The following LINGO2 variants were observed in gnomAD, a reference collection of about 807,000 sequenced individuals.
The protein encoded by LINGO2 is leucine rich repeat and Ig domain containing 2, also known as leucine-rich repeat and immunoglobulin-like domain-containing nogo receptor-interacting protein 2.
A neutral mutation model predicts 30.6 loss-of-function variants in LINGO2; 14 were observed. That is an observed-to-expected ratio of 0.46 (90% CI 0.30 to 0.72). LINGO2 has a LOEUF of 0.72. Among genes scored for constraint, LINGO2 ranks in the 30% least tolerant of loss-of-function variants. The probability of loss-of-function intolerance (pLI) is 0.07; values close to 1 mark genes in which losing one functional copy is unlikely to be tolerated. For missense variants in LINGO2, 729 were observed against 751.7 expected, an observed-to-expected ratio of 0.97 and a Z score of 0.35; for synonymous variants, 317 against 288.5, an observed-to-expected ratio of 1.10 and a Z score of -1.00.
intron 5 of LINGO2, among the ~76,000 whole-genome samples, chr9:28,002,335 A>G (rs996980671): frequency 1.1e-4 from 16 of 151,996 alleles, no homozygotes; most frequent in Admixed American, 7.9e-4. Context: ...AAATTCATCT[A>G]TCAGCAAGTG....
chr9:28,956,620 C>G, the LINGO2 span, among the ~76,000 whole-genome samples: 8,903 of 95,640 alleles, frequency 0.093, 560 homozygotes, highest in South Asian at 0.11. Context: ...CCCTCCCACC[C>G]TCCCTCCCTC....
intron 1 of LINGO2, among the ~76,000 whole-genome samples, chr9:28,650,888 T>C (rs1275240159): frequency 6.6e-6 from 1 of 152,206 alleles, no homozygotes; most frequent in Non-Finnish European, 1.5e-5. Context: ...ATTACTAATA[T>C]GTGATATATT....
At chr9:28,192,043 A>T (rs1819840852) in intron 4 of LINGO2, among the ~76,000 whole-genome samples, 1 of 152,028 alleles carries the variant, frequency 6.6e-6, no homozygotes, top group African/African-American at 2.4e-5. Flanking sequence ...TGCATACTTG[A>T]TATCTAAATA....
At chr9:28,275,725 G>A (rs550787953) in intron 4 of LINGO2, among the ~76,000 whole-genome samples, 2 of 152,218 alleles carry the variant, frequency 1.3e-5, no homozygotes, top group African/African-American at 4.8e-5. Context: ...AGAACTACCA[G>A]GTAATGTGAA....
At chr9:29,168,815 G>A in the LINGO2 span, among the ~76,000 whole-genome samples, 3 of 152,164 alleles carry the variant, frequency 2.0e-5, no homozygotes, top group African/African-American at 7.2e-5. Context: ...TCTCCCACAG[G>A]AAACTTTAGT....
intron 3 of LINGO2, among the ~76,000 whole-genome samples, chr9:28,353,932 T>G (rs573521728): frequency 6.6e-6 from 1 of 152,056 alleles, no homozygotes; most frequent in Non-Finnish European, 1.5e-5. Flanking sequence ...ATATTCTCAC[T>G]CATAGGTGGG....
chr9:28,634,579 G>A (rs141128643), intron 1 of LINGO2, among the ~76,000 whole-genome samples: 27 of 146,804 alleles, frequency 1.8e-4, no homozygotes, highest in African/African-American at 4.6e-4. Flanking sequence ...ACCGCCTTCC[G>A]AGTTCAAGCA....
chr9:28,278,507 C>A (rs1263332146), intron 4 of LINGO2, among the ~76,000 whole-genome samples: 1 of 152,102 alleles, frequency 6.6e-6, no homozygotes, highest in Non-Finnish European at 1.5e-5. Context: ...TTTACCATTT[C>A]AAAAATCCTA....
intron 4 of LINGO2, among the ~76,000 whole-genome samples, chr9:28,181,203 T>C (rs930290163): frequency 6.6e-6 from 1 of 152,150 alleles, no homozygotes; most frequent in African/African-American, 2.4e-5. Context: ...CCAACCAGCA[T>C]ATCCACTGAT....
chr9:28,905,450 A>G, the LINGO2 span, among the ~76,000 whole-genome samples: 1 of 152,062 alleles, frequency 6.6e-6, no homozygotes, highest in African/African-American at 2.4e-5. Context: ...CTTAATAGCA[A>G]GAAAAAAAAT....
the LINGO2 span, among the ~76,000 whole-genome samples, chr9:28,947,706 C>G: frequency 6.6e-6 from 1 of 151,346 alleles, no homozygotes; most frequent in Non-Finnish European, 1.5e-5. Context: ...ATATACACGT[C>G]TGTATATTTA....
At chr9:28,943,482 T>C in the LINGO2 span, among the ~76,000 whole-genome samples, 4 of 152,320 alleles carry the variant, frequency 2.6e-5, no homozygotes, top group African/African-American at 9.6e-5. Flanking sequence ...TTGGATGTTG[T>C]TATCTTGGGA....
At chr9:28,635,550 A>G (rs2135904490) in intron 1 of LINGO2, among the ~76,000 whole-genome samples, 1 of 152,244 alleles carries the variant, frequency 6.6e-6, no homozygotes, top group African/African-American at 2.4e-5. Flanking sequence ...AGAGGAAGAG[A>G]TGGGGGAATC....
chr9:28,856,235 C>T, the LINGO2 span, among the ~76,000 whole-genome samples: 5 of 152,128 alleles, frequency 3.3e-5, no homozygotes, highest in African/African-American at 1.2e-4. Context: ...TTTGCTTCCA[C>T]TCTAATATTC....
intron 4 of LINGO2, among the ~76,000 whole-genome samples, chr9:28,287,004 T>G (rs1266988204): frequency 6.6e-6 from 1 of 152,200 alleles, no homozygotes; most frequent in East Asian, 1.9e-4. Context: ...CAGGTTTAGA[T>G]ATTCATTCAT....
the LINGO2 span, among the ~76,000 whole-genome samples, chr9:28,750,066 G>C: frequency 6.6e-6 from 1 of 152,048 alleles, no homozygotes; most frequent in Non-Finnish European, 1.5e-5. Context: ...GGTACATAGA[G>C]ATCATTTAGC....
the LINGO2 span, among the ~76,000 whole-genome samples, chr9:28,722,775 T>C: frequency 6.6e-6 from 1 of 152,104 alleles, no homozygotes; most frequent in African/African-American, 2.4e-5. Flanking sequence ...AGCCAAAAAA[T>C]AATCCCAGTA....
chr9:28,510,384 C>T (rs1820323935), intron 1 of LINGO2, among the ~76,000 whole-genome samples: 1 of 151,724 alleles, frequency 6.6e-6, no homozygotes, highest in Admixed American at 6.6e-5. Flanking sequence ...ATAAAGTAAT[C>T]TAAAAAAGAA....
chr9:28,680,386 A>G, the LINGO2 span, among the ~76,000 whole-genome samples: 2 of 152,076 alleles, frequency 1.3e-5, no homozygotes, highest in Non-Finnish European at 2.9e-5. Context: ...AGTTGATTCC[A>G]TATCTTGGCC....
Sources: gnomAD v4.1 joint callset for allele counts (sites outside exome capture counted in the v4.1 genomes callset) on GRCh38, gnomAD v4.1.1 for gene constraint, MANE v1.5 for transcripts, NCBI Gene and HGNC (gene_info 2026-07-23, HGNC 2026-07-21) for gene names.